Variants in MATK observed in about 807,000 individuals in gnomAD.
MATK encodes megakaryocyte-associated tyrosine kinase, also known as megakaryocyte-associated tyrosine-protein kinase.
A neutral mutation model predicts 59.8 loss-of-function variants in MATK; 41 were observed. That is an observed-to-expected ratio of 0.69 (90% CI 0.53 to 0.89). The LOEUF (loss-of-function observed/expected upper bound fraction) is 0.89. Among genes scored for constraint, MATK ranks in the 40% least tolerant of loss-of-function variants. The pLI is 0.00. For missense variants in MATK, 593 were observed against 719.6 expected, an observed-to-expected ratio of 0.82 and a Z score of 2.01; for synonymous variants, 308 against 306.1, an observed-to-expected ratio of 1.01 and a Z score of -0.06.
Position 3,784,041 on chromosome 19 carries a change from C to T in MATK, c.363-8G>A, listed in dbSNP as rs750746631. On this transcript the variant is annotated splice_polypyrimidine_tract_variant and splice_region_variant and intron_variant, in intron 5 of 13. Coordinates refer to ENST00000310132, the MANE Select transcript of MATK (RefSeq NM_139355.3). Reference sequence around the variant, plus strand: ...ATCTTCCCGTGGAACCACCTGCGGCCACGGAAGGGGTGGGTCAGACTGGGC... The same window carrying T: ...ATCTTCCCGTGGAACCACCTGCGGCTACGGAAGGGGTGGGTCAGACTGGGC... The T allele has an allele frequency of 6.2e-7, 1 of 1,601,226 alleles. No homozygotes were observed. Among genetic ancestry groups the T allele is most frequent in the Non-Finnish European group, 8.5e-7 (1 of 1,172,462 alleles).
At chr19:3,794,698 A>C (rs530136382) in intron 1 of MATK, among the ~76,000 whole-genome samples, 1 of 152,248 alleles carries the variant, frequency 6.6e-6, no homozygotes, top group Admixed American at 6.5e-5. Context: ...CAGGAGATAC[A>C]CATTATTCCG....
chr19:3,781,578 C>T (rs756861712), intron 8 of MATK, 29 bp downstream of exon 8: 25 of 1,612,834 alleles, frequency 1.6e-5, no homozygotes, highest in Admixed American at 3.3e-5. Context: ...CATCTTCCTT[C>T]AGCACCCCCA....
chr19:3,790,324 C>A (rs573382065), upstream of MATK, among the ~76,000 whole-genome samples: 3 of 152,332 alleles, frequency 2.0e-5, no homozygotes, highest in African/African-American at 7.2e-5. Context: ...CTCCACCTCT[C>A]ATCCTTGGTG....
Position 3,793,705 on chromosome 19 carries a change from GA to G in MATK, c.-57-4302del, listed in dbSNP as rs896796048. On this transcript the variant is annotated intron_variant, in intron 1 of 13. Coordinates refer to the MATK transcript ENST00000395045. ...CGACAGAGTGGAGACTCCATCTCAA[GA>G]AAAAAAAAAAAAATTAGCTGGGCGT... Among the ~76,000 whole-genome samples the G allele has an allele frequency of 2.5e-3, 307 of 120,768 alleles. 1 individual carries two copies. Among genetic ancestry groups the G allele is most frequent in the Middle Eastern group, 4.9e-3 (1 of 206 alleles). 79.2% of individuals were successfully genotyped at this position (120,768 alleles called of 152,430 possible).
intron 8 of MATK, 114 bp from the exon 9 acceptor site, chr19:3,779,911 C>T (rs1022224482): frequency 2.4e-5 from 17 of 710,306 alleles, no homozygotes; most frequent in South Asian, 1.3e-4. Flanking sequence ...CACACAGCTG[C>T]GGGTCCCCAG....
At chr19:3,789,852 G>A (rs889328372), upstream of MATK, among the ~76,000 whole-genome samples, 1 of 151,478 alleles carries the variant, frequency 6.6e-6, no homozygotes, top group African/African-American at 2.4e-5. Flanking sequence ...AGCCTCCTGA[G>A]TAGCTGGGAT....
chr19:3,785,123 C>G lies in MATK; in HGVS notation c.13G>C (p.Gly5Arg), dbSNP rs781021422. The G allele has an allele frequency of 6.2e-7, 1 of 1,614,108 alleles. No homozygotes were observed. Among genetic ancestry groups the G allele is most frequent in the Admixed American group, 1.7e-5 (1 of 60,018 alleles). Reference sequence around the variant, plus strand: ...AATGCCCGCCAGGAAACCAGAGAGCCTCGCCCCGCCATCGCCCCCAGAGGG... The same window carrying G: ...AATGCCCGCCAGGAAACCAGAGAGCGTCGCCCCGCCATCGCCCCCAGAGGG... Reference protein sequence around the residue: MAGRGSLVSWRAFHG... With the variant: MAGRRSLVSWRAFHG... Residue 5 changes from glycine to arginine, a missense_variant, in exon 2 of 14, where the codon GGC becomes CGC. Physicochemically the swap from Gly to Arg is moderately radical, Grantham distance 125. Transcript: ENST00000310132.
At chr19:3,781,443 C>T (rs1215484983) in intron 8 of MATK, among the ~76,000 whole-genome samples, 164 bp downstream of exon 8, 1 of 152,154 alleles carries the variant, frequency 6.6e-6, no homozygotes, top group African/African-American at 2.4e-5. Context: ...CTGCCATTAC[C>T]CCCTGTTCCA....
In MATK at chr19:3,783,948, C is replaced by T. The variant is rs760743344; in HGVS notation, c.448G>A (p.Ala150Thr). The T allele has an allele frequency of 1.2e-5, 20 of 1,612,388 alleles. No individual in the cohort carries two copies. Among genetic ancestry groups the T allele is most frequent in the Middle Eastern group, 1.6e-4 (1 of 6,082 alleles). ...EDGLFLVRES[A>T]RHPGDYVLCV... Reference sequence around the variant, plus strand: ...AGGACGTAGTCGCCGGGGTGGCGCGCGGACTCCCGCACCAGGAACAGCCCA... The same window carrying T: ...AGGACGTAGTCGCCGGGGTGGCGCGTGGACTCCCGCACCAGGAACAGCCCA... Residue 150 changes from alanine (A) to threonine (T), a missense_variant, in exon 6 of 14, where the codon GCG becomes ACG. Physicochemically the swap from Ala to Thr is moderately conservative, Grantham distance 58. Transcript: ENST00000310132.
chr19:3,785,311 G>A (rs918932186), intron 1 of MATK, 25 bp from the exon 2 acceptor site: 62 of 1,388,754 alleles, frequency 4.5e-5, no homozygotes, highest in South Asian at 1.3e-4. Context: ...GGGGCAGGGT[G>A]GGGAAATAGG....
chr19:3,784,688 GACTGAGAAAGGCCAGGCCGAGGC>G, intron 3 of MATK, 114 bp downstream of exon 3: 1 of 732,866 alleles, frequency 1.4e-6, no homozygotes, highest in Non-Finnish European at 2.4e-6. Context: ...AAGCCAAGAT[GACTGAGAAAGGCCAGGCCGAGGC>G]CAGCAGAAGG....
rs1376654473 is a variant in MATK, at chr19:3,778,342, G to A, written c.1365C>T (p.Val455=). 2.5e-6 allele frequency: 4 copies of A among 1,585,540 alleles called. No individual in the cohort carries two copies. Among genetic ancestry groups the A allele is most frequent in the Non-Finnish European group, 3.4e-6 (4 of 1,168,946 alleles). ...PPEGCPGPVH[V]LMSSCWEAEP... Reference sequence around the variant, plus strand: ...CTGCCTCCCAGCAGCTGCTCATGAGGACGTGCACGGGGCCTGGACAGCCCT... The same window carrying A: ...CTGCCTCCCAGCAGCTGCTCATGAGAACGTGCACGGGGCCTGGACAGCCCT... The change falls in exon 14 of 14, where the codon GTC becomes GTT. Residue 455 remains valine, a synonymous_variant. Transcript: ENST00000310132.
At chr19:3,785,353 A>C in intron 1 of MATK, 67 bp from the exon 2 acceptor site, 2 of 1,111,378 alleles carry the variant, frequency 1.8e-6, no homozygotes, top group Non-Finnish European at 2.5e-6. Context: ...AGAATCTCTG[A>C]CCGTGGGGTG....
chr19:3,782,149 C>T (rs1167630175), intron 7 of MATK, among the ~76,000 whole-genome samples: 1 of 152,168 alleles, frequency 6.6e-6, no homozygotes, highest in Non-Finnish European at 1.5e-5. Flanking sequence ...GAAACACACA[C>T]AGAGCAAAAA....
At chr19:3,779,354 C>T (rs556261757) in intron 11 of MATK, 24 bp downstream of exon 11, 1 of 1,611,930 alleles carries the variant, frequency 6.2e-7, no homozygotes, top group African/African-American at 1.3e-5. Context: ...CCCAGTGCCG[C>T]AGCACCCTGA....
At chr19:3,780,809 C>T (rs986434139) in intron 8 of MATK, among the ~76,000 whole-genome samples, 5 of 151,726 alleles carry the variant, frequency 3.3e-5, no homozygotes, top group African/African-American at 1.2e-4. Context: ...GATCACAGCT[C>T]ACTGCAGGTT....
chr19:3,796,490 A>G (rs2037595689), intron 1 of MATK, among the ~76,000 whole-genome samples: 1 of 152,192 alleles, frequency 6.6e-6, no homozygotes, highest in African/African-American at 2.4e-5. Flanking sequence ...ATATATTAAT[A>G]TAAATATTAT....
intron 2 of MATK, 31 bp from the exon 3 acceptor site, chr19:3,784,915 T>C: frequency 6.7e-7 from 1 of 1,481,514 alleles, no homozygotes; most frequent in Non-Finnish European, 9.2e-7. Context: ...AGGTGGGAGC[T>C]GGGCTGGGAC....
intron 7 of MATK, among the ~76,000 whole-genome samples, chr19:3,782,607 TG>T (rs1272995764): frequency 2.0e-5 from 3 of 152,026 alleles, no homozygotes; most frequent in Non-Finnish European, 4.4e-5. Flanking sequence ...CAGATGAGGC[TG>T]GAAAGGTGGC....
Sources: gnomAD v4.1 joint callset for allele counts (sites outside exome capture counted in the v4.1 genomes callset) on GRCh38, gnomAD v4.1.1 for gene constraint, MANE v1.5 for transcripts, NCBI Gene and HGNC (gene_info 2026-07-23, HGNC 2026-07-21) for gene names.